Variants in PHTF2 observed in about 807,000 individuals in gnomAD.
PHTF2 encodes the protein putative homeodomain transcription factor 2.
Under a neutral mutation model 101.2 loss-of-function variants are expected in PHTF2, and 60 were observed. The ratio of observed to expected loss-of-function variants is 0.59; its 90% CI spans 0.48 to 0.73. The LOEUF (loss-of-function observed/expected upper bound fraction) is 0.73, where lower values mean the gene tolerates loss of function less well. PHTF2 is among the 30% of genes least tolerant of loss of function. The pLI, the probability that PHTF2 is intolerant of heterozygous loss-of-function variation, is 0.00. For synonymous variants in PHTF2, 311 were observed against 307.3 expected, an observed-to-expected ratio of 1.01 and a Z score of -0.13; for missense variants, 747 against 908.7, an observed-to-expected ratio of 0.82 and a Z score of 2.29.
At chr7:77,919,212 T>C (rs1163281796) in intron 9 of PHTF2, among the ~76,000 whole-genome samples, 1 of 152,184 alleles carries the variant, frequency 6.6e-6, no homozygotes, top group Admixed American at 6.5e-5. Flanking sequence ...TAGGTGAGTT[T>C]TAAGGTCCTG....
chr7:77,853,637 G>T (rs759840743), intron 2 of PHTF2, among the ~76,000 whole-genome samples: 1 of 151,862 alleles, frequency 6.6e-6, no homozygotes, highest in Non-Finnish European at 1.5e-5. Context: ...CAAGCAATTC[G>T]CCTACCTCGG....
At chr7:77,852,033 T>C (rs1016053856) in intron 2 of PHTF2, among the ~76,000 whole-genome samples, 1 of 152,004 alleles carries the variant, frequency 6.6e-6, no homozygotes, top group Non-Finnish European at 1.5e-5. Context: ...AAGGTTTTTT[T>C]GTGTGTGTGT....
At chr7:77,874,040 A>C (rs1188846710) in intron 3 of PHTF2, among the ~76,000 whole-genome samples, 1 of 152,178 alleles carries the variant, frequency 6.6e-6, no homozygotes, top group Non-Finnish European at 1.5e-5. Flanking sequence ...CACTTTGTCC[A>C]CTGAACTTAG....
intron 9 of PHTF2, among the ~76,000 whole-genome samples, chr7:77,910,679 T>C (rs1310554088): frequency 6.6e-6 from 1 of 152,184 alleles, no homozygotes; most frequent in Non-Finnish European, 1.5e-5. Flanking sequence ...TCTGGCTCTG[T>C]TGCCCAGGCT....
At chr7:77,894,197 T>C (rs1163943026) in intron 5 of PHTF2, among the ~76,000 whole-genome samples, 1 of 152,218 alleles carries the variant, frequency 6.6e-6, no homozygotes, top group Non-Finnish European at 1.5e-5. Context: ...CCTGAACATG[T>C]AATCATATCT....
At chr7:77,912,710 C>CTTTTTTTTTTT (rs536966733) in intron 9 of PHTF2, among the ~76,000 whole-genome samples, 1 of 80,466 alleles carries the variant, frequency 1.2e-5, no homozygotes. Context: ...AGAGAACCAC[C>CTTTTTTTTTTT]TTTTTTTTTT....
At chr7:77,806,457 T>C (rs921373898) in intron 1 of PHTF2, among the ~76,000 whole-genome samples, 3 of 152,218 alleles carry the variant, frequency 2.0e-5, no homozygotes, top group Admixed American at 1.3e-4. Context: ...CTCTGAAATC[T>C]ACTTTGTATA....
intron 1 of PHTF2, among the ~76,000 whole-genome samples, chr7:77,832,789 G>C (rs775974019): frequency 1.4e-4 from 21 of 151,654 alleles, no homozygotes; most frequent in Non-Finnish European, 2.2e-4. Context: ...ATGGTGAGTT[G>C]TATAATTATT....
At chr7:77,856,514 C>A (rs1211282997) in intron 3 of PHTF2, among the ~76,000 whole-genome samples, 1 of 152,022 alleles carries the variant, frequency 6.6e-6, no homozygotes, top group Non-Finnish European at 1.5e-5. Context: ...CACCACCACA[C>A]CCAGATCATT....
At chr7:77,889,764 T>TTG (rs1473493277) in intron 3 of PHTF2, among the ~76,000 whole-genome samples, 1 of 151,668 alleles carries the variant, frequency 6.6e-6, no homozygotes, top group Non-Finnish European at 1.5e-5. Context: ...CTAATTTTTT[T>TTG]TGTGTGTGTG....
At chr7:77,953,120 A>C (rs1806698848) in intron 18 of PHTF2, among the ~76,000 whole-genome samples, 2 of 152,274 alleles carry the variant, frequency 1.3e-5, no homozygotes, top group South Asian at 4.1e-4. Context: ...GTCTTTTAGA[A>C]TATTTACTCC....
At chr7:77,913,503 T>G (rs1486856666) in intron 9 of PHTF2, among the ~76,000 whole-genome samples, 1 of 152,204 alleles carries the variant, frequency 6.6e-6, no homozygotes, top group Non-Finnish European at 1.5e-5. Flanking sequence ...TTGAATAGGA[T>G]GAATTACATC....
chr7:77,872,223 ATGGGGTGGC>A (rs1366651335), intron 3 of PHTF2, among the ~76,000 whole-genome samples: 4 of 152,038 alleles, frequency 2.6e-5, no homozygotes, highest in African/African-American at 9.7e-5. Context: ...TTGGACGATG[ATGGGGTGGC>A]TGGGGAAAGA....
chr7:77,871,045 G>A (rs938724403), intron 3 of PHTF2, among the ~76,000 whole-genome samples: 2 of 152,170 alleles, frequency 1.3e-5, no homozygotes, highest in Admixed American at 1.3e-4. Flanking sequence ...TCGTGTGGTC[G>A]TAGCTGGTAT....
At chr7:77,825,584 T>A (rs1391674450) in intron 1 of PHTF2, among the ~76,000 whole-genome samples, 3 of 152,246 alleles carry the variant, frequency 2.0e-5, no homozygotes, top group African/African-American at 7.2e-5. Flanking sequence ...GCAATGCCTG[T>A]GCTCAGTCCA....
intron 5 of PHTF2, among the ~76,000 whole-genome samples, chr7:77,900,171 G>T (rs1198650335): frequency 2.0e-5 from 3 of 152,088 alleles, no homozygotes; most frequent in African/African-American, 7.2e-5. Context: ...GTCTGATGAG[G>T]GGTTGACATG....
chr7:77,922,628 C>A (rs752061002), exon 11 of PHTF2: 27 of 1,606,570 alleles, frequency 1.7e-5, no homozygotes, highest in Admixed American at 8.4e-5. Context: ...CTTAGGATAC[C>A]CAAAGGACAA....
chr7:77,850,641 CAAAAAAAAAAA>C (rs545263519), intron 2 of PHTF2, among the ~76,000 whole-genome samples: 1 of 52,762 alleles, frequency 1.9e-5, no homozygotes, highest in African/African-American at 6.4e-5. Flanking sequence ...GACCCTGTCT[CAAAAAAAAAAA>C]AAAAAAAAGA....
At chr7:77,821,584 T>A (rs1200271369) in intron 1 of PHTF2, among the ~76,000 whole-genome samples, 1 of 152,014 alleles carries the variant, frequency 6.6e-6, no homozygotes, top group Non-Finnish European at 1.5e-5. Context: ...GAGCTGTTTC[T>A]CAGGCCCTTG....
Sources: gnomAD v4.1 joint callset for allele counts (sites outside exome capture counted in the v4.1 genomes callset) on GRCh38, gnomAD v4.1.1 for gene constraint, MANE v1.5 for transcripts, NCBI Gene and HGNC (gene_info 2026-07-23, HGNC 2026-07-21) for gene names.